ENTREP2: variants seen among roughly 807,000 people sequenced by gnomAD.
ENTREP2 encodes protein ENTREP2.
the ENTREP2 span, among the ~76,000 whole-genome samples, chr15:29,207,080 G>A: frequency 1.3e-5 from 2 of 152,248 alleles, no homozygotes; most frequent in African/African-American, 2.4e-5. Flanking sequence ...CTGCAGCAGT[G>A]CCCTCAGCCA....
At chr15:29,245,897 G>A in the ENTREP2 span, among the ~76,000 whole-genome samples, 2 of 152,190 alleles carry the variant, frequency 1.3e-5, no homozygotes, top group Admixed American at 6.5e-5. Flanking sequence ...GGGGTGCCTT[G>A]TGTTTGGAGA....
the ENTREP2 span, among the ~76,000 whole-genome samples, chr15:29,297,225 A>T: frequency 6.6e-6 from 1 of 152,302 alleles, no homozygotes; most frequent in South Asian, 2.1e-4. Flanking sequence ...TTCACTAGAG[A>T]ATAAGTTTCA....
the ENTREP2 span, among the ~76,000 whole-genome samples, chr15:29,587,104 T>C: frequency 7.2e-6 from 1 of 139,316 alleles, no homozygotes; most frequent in Non-Finnish European, 1.6e-5. Context: ...AATGGGAATA[T>C]GAGTTCATGA....
chr15:29,460,584 T>C, the ENTREP2 span, among the ~76,000 whole-genome samples: 1 of 152,136 alleles, frequency 6.6e-6, no homozygotes, highest in African/African-American at 2.4e-5. Context: ...TGACCCGAGA[T>C]TGTGCCACTG....
the ENTREP2 span, among the ~76,000 whole-genome samples, chr15:29,545,923 T>C: frequency 6.6e-6 from 1 of 152,198 alleles, no homozygotes; most frequent in Non-Finnish European, 1.5e-5. Flanking sequence ...GAAGAAAACA[T>C]GTGATTAACC....
the ENTREP2 span, among the ~76,000 whole-genome samples, chr15:29,467,444 T>C: frequency 6.6e-6 from 1 of 152,120 alleles, no homozygotes; most frequent in Admixed American, 6.5e-5. Context: ...ATGGCTAGAA[T>C]AAAGTACTGT....
chr15:29,417,788 TCTAA>T, the ENTREP2 span, among the ~76,000 whole-genome samples: 1 of 152,204 alleles, frequency 6.6e-6, no homozygotes, highest in African/African-American at 2.4e-5. Context: ...TTTGATTTTC[TCTAA>T]CAGATCTGGT....
the ENTREP2 span, among the ~76,000 whole-genome samples, chr15:29,207,913 C>T: frequency 6.6e-6 from 1 of 152,072 alleles, no homozygotes; most frequent in Non-Finnish European, 1.5e-5. Flanking sequence ...TGAGGGATCC[C>T]CCCAGCCTCC....
At chr15:29,133,054 C>T in the ENTREP2 span, among the ~76,000 whole-genome samples, 3 of 152,172 alleles carry the variant, frequency 2.0e-5, no homozygotes, top group Non-Finnish European at 4.4e-5. Flanking sequence ...CCGCCCTGCC[C>T]GGTGCCCCTG....
chr15:29,141,180 A>C, the ENTREP2 span, among the ~76,000 whole-genome samples: 4 of 152,196 alleles, frequency 2.6e-5, no homozygotes, highest in East Asian at 7.7e-4. Context: ...GTCTATCCAC[A>C]CAGCCCAGAG....
the ENTREP2 span, among the ~76,000 whole-genome samples, chr15:29,523,822 T>A: frequency 6.6e-6 from 1 of 152,060 alleles, no homozygotes; most frequent in Non-Finnish European, 1.5e-5. Flanking sequence ...CTGGGACAAC[T>A]AGATAGCCAC....
the ENTREP2 span, among the ~76,000 whole-genome samples, chr15:29,150,979 C>T: frequency 4.6e-5 from 7 of 152,068 alleles, no homozygotes; most frequent in Non-Finnish European, 7.4e-5. Context: ...CACACACACA[C>T]GCGTGCGCAT....
At chr15:29,600,991 G>A in the ENTREP2 span, among the ~76,000 whole-genome samples, 491 of 143,104 alleles carry the variant, frequency 3.4e-3, no homozygotes, top group Middle Eastern at 7.6e-3. Context: ...TCCGCCTCCC[G>A]GGTTCACGCC....
chr15:29,663,863 T>TA, the ENTREP2 span, among the ~76,000 whole-genome samples: 5 of 151,636 alleles, frequency 3.3e-5, no homozygotes, highest in East Asian at 3.9e-4. Context: ...AAAGTATAAT[T>TA]AAAAAAAATA....
At chr15:29,339,250 C>A in the ENTREP2 span, among the ~76,000 whole-genome samples, 13 of 152,220 alleles carry the variant, frequency 8.5e-5, no homozygotes, top group African/African-American at 2.9e-4. Flanking sequence ...CAGTGACAGT[C>A]AAGACCCATG....
the ENTREP2 span, among the ~76,000 whole-genome samples, chr15:29,287,787 G>C: frequency 1.5e-4 from 23 of 152,278 alleles, no homozygotes; most frequent in African/African-American, 5.3e-4. Flanking sequence ...AAATGCAAAT[G>C]GCCCTGAATA....
the ENTREP2 span, among the ~76,000 whole-genome samples, chr15:29,343,027 T>G: frequency 1.2e-3 from 163 of 130,900 alleles, 1 homozygote; most frequent in East Asian, 0.017. Flanking sequence ...TAAAAAGGAA[T>G]GGGGGGGGTG....
the ENTREP2 span, among the ~76,000 whole-genome samples, chr15:29,539,596 C>T: frequency 6.6e-6 from 1 of 152,086 alleles, no homozygotes; most frequent in African/African-American, 2.4e-5. Context: ...ACATGCCCTG[C>T]CCCTATTTCC....
At chr15:29,436,228 A>G in the ENTREP2 span, among the ~76,000 whole-genome samples, 1 of 152,206 alleles carries the variant, frequency 6.6e-6, no homozygotes, top group Non-Finnish European at 1.5e-5. Flanking sequence ...GTAGCTGTTT[A>G]ATTCATGTGT....
Sources: allele counts gnomAD v4.1 joint callset (sites outside exome capture counted in the v4.1 genomes callset), GRCh38; gene constraint gnomAD v4.1.1; transcripts MANE v1.5; gene names NCBI Gene and HGNC (gene_info 2026-07-23, HGNC 2026-07-21).